TTC28: variants seen among roughly 807,000 people sequenced by gnomAD.
TTC28 encodes tetratricopeptide repeat domain 28, also known as tetratricopeptide repeat protein 28.
Under a neutral mutation model 198.0 loss-of-function variants are expected in TTC28, and 61 were observed. The ratio of observed to expected loss-of-function variants is 0.31; its 90% confidence interval spans 0.25 to 0.38. The LOEUF (loss-of-function observed/expected upper bound fraction) is 0.38, where lower values mean the gene tolerates loss of function less well. Ranked by LOEUF, TTC28 falls within the 10% of genes least tolerant of loss-of-function variation. The pLI, the probability that TTC28 is intolerant of heterozygous loss-of-function variation, is 1.00. For synonymous variants in TTC28, 1,171 were observed against 1,297.8 expected, an observed-to-expected ratio of 0.90 and a Z score of 2.10; for missense variants, 2,678 against 3,164.0, an observed-to-expected ratio of 0.85 and a Z score of 3.69.
intron 2 of TTC28, among the ~76,000 whole-genome samples, chr22:28,474,940 A>T (rs2048141434): frequency 6.6e-6 from 1 of 152,148 alleles, no homozygotes; most frequent in African/African-American, 2.4e-5. Flanking sequence ...TCAAAAAGCT[A>T]ATCATTAATA....
rs1158052087 is a variant in TTC28, at chr22:27,981,981, T to A, written c.*240A>T. ...GTAAACAAACATTTGGTGAAGTGTG[T>A]AGGAAATTCCATGAGCCTCCTGTAC... On this transcript the variant is annotated 3_prime_UTR_variant, in exon 23 of 23. Transcript: ENST00000397906. The A allele has an allele frequency of 4.7e-6, 2 of 423,372 alleles. No individual in the cohort carries two copies. Among genetic ancestry groups the A allele is most frequent in the Admixed American group, 7.9e-5 (2 of 25,374 alleles). The allele number at this position is 423,372 out of a possible 1,614,324, so 26.2% of individuals were successfully genotyped here.
intron 5 of TTC28, among the ~76,000 whole-genome samples, chr22:28,234,356 A>G (rs1437911929): frequency 1.3e-5 from 2 of 151,012 alleles, no homozygotes; most frequent in Non-Finnish European, 2.9e-5. Flanking sequence ...AAAATTCTAC[A>G]TTAGCCTCAT....
chr22:28,627,924 G>A (rs2051103729), intron 2 of TTC28, among the ~76,000 whole-genome samples: 1 of 151,164 alleles, frequency 6.6e-6, no homozygotes, highest in South Asian at 2.1e-4. Context: ...ATTATTATTT[G>A]AGACAGGGTC....
chr22:27,981,006 GTCCT>G lies in TTC28; in HGVS notation c.*1211_*1214del, dbSNP rs1342054997. On this transcript the variant is annotated 3_prime_UTR_variant, in exon 23 of 23. Transcript: ENST00000397906. Reference sequence around the variant, plus strand: ...GGCTTCAGCAGTGGGGGAGGGGCCAGTCCTTCAGACAGCAGGAGCACAGGAGGCT... The same window carrying G: ...GGCTTCAGCAGTGGGGGAGGGGCCAGTCAGACAGCAGGAGCACAGGAGGCT... 6.6e-6 allele frequency: 1 copy of G among 152,622 alleles called. No homozygotes were observed. The highest frequency in any genetic ancestry group is 1.5e-5 in the Non-Finnish European group (1 of 68,352). The allele number at this position is 152,622 out of a possible 1,614,324, so 9.5% of individuals were successfully genotyped here.
intron 1 of TTC28, among the ~76,000 whole-genome samples, chr22:28,678,867 A>G (rs2052043790): frequency 6.6e-6 from 1 of 152,120 alleles, no homozygotes; most frequent in Non-Finnish European, 1.5e-5. Context: ...CCTGATCACA[A>G]CTTCGGAGCT....
intron 2 of TTC28, among the ~76,000 whole-genome samples, chr22:28,535,640 T>C (rs1213017208): frequency 2.0e-5 from 3 of 152,138 alleles, no homozygotes; most frequent in Non-Finnish European, 2.9e-5. Flanking sequence ...GTATCCCCAG[T>C]GTTGGAGGAG....
At chr22:28,081,083 T>TAA (rs1307570266) in intron 12 of TTC28, among the ~76,000 whole-genome samples, 6 of 151,850 alleles carry the variant, frequency 4.0e-5, no homozygotes, top group African/African-American at 1.4e-4. Context: ...TTGATAACCG[T>TAA]AACATAGAAA....
intron 2 of TTC28, among the ~76,000 whole-genome samples, chr22:28,326,975 A>AACAC (rs57349023): frequency 0.022 from 3,155 of 142,848 alleles, 87 homozygotes; most frequent in African/African-American, 0.073. Flanking sequence ...CACAAACACA[A>AACAC]ACACACACAC....
chr22:28,419,808 A>G (rs1169600817), intron 2 of TTC28, among the ~76,000 whole-genome samples: 2 of 152,244 alleles, frequency 1.3e-5, no homozygotes, highest in Non-Finnish European at 2.9e-5. Flanking sequence ...TCCAAGTAAC[A>G]TAAATAGCTA....
chr22:28,624,285 G>C (rs1298759050), intron 2 of TTC28, among the ~76,000 whole-genome samples: 2 of 151,966 alleles, frequency 1.3e-5, no homozygotes, highest in African/African-American at 2.4e-5. Context: ...GGCTGAGGCA[G>C]GAGAATGGCG....
At chr22:28,527,403 A>G (rs946010427) in intron 2 of TTC28, among the ~76,000 whole-genome samples, 1 of 152,128 alleles carries the variant, frequency 6.6e-6, no homozygotes, top group Non-Finnish European at 1.5e-5. Flanking sequence ...CATGTCAGTC[A>G]TGAGTTGAAG....
intron 2 of TTC28, among the ~76,000 whole-genome samples, chr22:28,495,737 A>G (rs985354012): frequency 6.6e-6 from 1 of 152,218 alleles, no homozygotes; most frequent in African/African-American, 2.4e-5. Flanking sequence ...GCTCCAGCCC[A>G]GAGAGATTTC....
At chr22:28,280,882 AT>A (rs970363549) in intron 5 of TTC28, among the ~76,000 whole-genome samples, 1 of 151,030 alleles carries the variant, frequency 6.6e-6, no homozygotes. Flanking sequence ...GGGTTGACAG[AT>A]TTTTTTTTCT....
intron 5 of TTC28, among the ~76,000 whole-genome samples, chr22:28,196,513 G>A (rs1479518813): frequency 6.6e-6 from 1 of 152,058 alleles, no homozygotes; most frequent in Non-Finnish European, 1.5e-5. Flanking sequence ...CCTACAGAAT[G>A]GGAGAAAATT....
At chr22:28,268,900 GA>G (rs1362937101) in intron 5 of TTC28, among the ~76,000 whole-genome samples, 1 of 152,018 alleles carries the variant, frequency 6.6e-6, no homozygotes, top group Non-Finnish European at 1.5e-5. Flanking sequence ...CGTTTACTAT[GA>G]CAATCTATTC....
chr22:28,020,898 A>G (rs1938568477), intron 13 of TTC28, among the ~76,000 whole-genome samples: 1 of 152,112 alleles, frequency 6.6e-6, no homozygotes, highest in Non-Finnish European at 1.5e-5. Flanking sequence ...TCCTTCAGGC[A>G]GCTAGGACCC....
intron 5 of TTC28, among the ~76,000 whole-genome samples, chr22:28,211,429 T>C (rs1202266515): frequency 1.3e-5 from 2 of 151,900 alleles, no homozygotes; most frequent in Non-Finnish European, 2.9e-5. Context: ...AATAAAGGGA[T>C]GGAGGAAGAT....
intron 5 of TTC28, among the ~76,000 whole-genome samples, chr22:28,191,697 G>A (rs530523898): frequency 2.0e-4 from 31 of 152,320 alleles, no homozygotes; most frequent in African/African-American, 3.8e-4. Flanking sequence ...CATTGCTAGC[G>A]CAGCAGTCTG....
chr22:28,618,188 T>C (rs953051652), intron 2 of TTC28, among the ~76,000 whole-genome samples: 4 of 151,926 alleles, frequency 2.6e-5, no homozygotes, highest in African/African-American at 9.7e-5. Flanking sequence ...GGCAGGAGAA[T>C]TGCTTGAACC....
Sources: allele counts gnomAD v4.1 joint callset (sites outside exome capture counted in the v4.1 genomes callset), GRCh38; gene constraint gnomAD v4.1.1; transcripts MANE v1.5; gene names NCBI Gene and HGNC (gene_info 2026-07-23, HGNC 2026-07-21).